The following ERBB4 variants were observed in gnomAD, a reference collection of about 807,000 sequenced individuals.
ERBB4 encodes the protein receptor tyrosine-protein kinase erbB-4.
ERBB4 carries 42 observed loss-of-function variants against 158.0 expected under a neutral mutation model. That is an observed-to-expected ratio of 0.27 (90% CI 0.21 to 0.34). The LOEUF (loss-of-function observed/expected upper bound fraction) is 0.34, where lower values mean the gene tolerates loss of function less well. Ranked by LOEUF, ERBB4 falls within the 10% of genes least tolerant of loss-of-function variation. ERBB4 has a pLI of 1.00. For synonymous variants in ERBB4, 583 were observed against 558.7 expected, an observed-to-expected ratio of 1.04 and a Z score of -0.61; for missense variants, 1,333 against 1,624.1, an observed-to-expected ratio of 0.82 and a Z score of 3.08.
intron 1 of ERBB4, among the ~76,000 whole-genome samples, chr2:212,299,741 C>T (rs10170838): frequency 0.96 from 145,254 of 151,702 alleles, 69,617 homozygotes; most frequent in African/African-American, 0.99. Flanking sequence ...TAATGAGCAG[C>T]GATAGCCAAC....
intron 1 of ERBB4, among the ~76,000 whole-genome samples, chr2:212,531,837 C>T (rs1692772976): frequency 6.6e-6 from 1 of 152,146 alleles, no homozygotes; most frequent in South Asian, 2.1e-4. Flanking sequence ...CTCCATAGGC[C>T]TAACCAGGTA....
At chr2:211,385,263 C>G (rs894846133) in intron 27 of ERBB4, among the ~76,000 whole-genome samples, 1 of 152,106 alleles carries the variant, frequency 6.6e-6, no homozygotes, top group Middle Eastern at 3.4e-3. Flanking sequence ...ATATATAGGC[C>G]TTTACAAGAC....
chr2:212,063,638 A>G (rs1326734454), intron 2 of ERBB4, among the ~76,000 whole-genome samples: 2 of 152,194 alleles, frequency 1.3e-5, no homozygotes, highest in Admixed American at 1.3e-4. Flanking sequence ...AGAATTGAGA[A>G]CATAATAATT....
At chr2:212,356,188 C>T (rs188908201) in intron 1 of ERBB4, among the ~76,000 whole-genome samples, 2 of 152,122 alleles carry the variant, frequency 1.3e-5, no homozygotes, top group Non-Finnish European at 2.9e-5. Flanking sequence ...TTCCAAACTG[C>T]TTTTTGTAGA....
chr2:212,283,908 A>C (rs1368116367), intron 1 of ERBB4, among the ~76,000 whole-genome samples: 1 of 152,054 alleles, frequency 6.6e-6, no homozygotes, highest in Admixed American at 6.6e-5. Flanking sequence ...GTTATTGTTT[A>C]TTGACACTTT....
chr2:211,799,417 C>G (rs901165758), intron 3 of ERBB4, among the ~76,000 whole-genome samples: 1 of 152,082 alleles, frequency 6.6e-6, no homozygotes, highest in Non-Finnish European at 1.5e-5. Context: ...CTTTGCGGAT[C>G]TTTGTCTGCT....
chr2:211,723,122 C>A (rs770782630), intron 6 of ERBB4, among the ~76,000 whole-genome samples: 27 of 152,104 alleles, frequency 1.8e-4, no homozygotes, highest in Non-Finnish European at 3.7e-4. Flanking sequence ...AATATGATGT[C>A]ATTTCTAGTA....
intron 3 of ERBB4, among the ~76,000 whole-genome samples, chr2:211,823,247 A>G (rs2077032342): frequency 6.6e-6 from 1 of 151,978 alleles, no homozygotes; most frequent in South Asian, 2.1e-4. Context: ...TAAGTGAAAC[A>G]ATAGCTATGT....
chr2:211,739,192 T>C (rs543614704), intron 5 of ERBB4, among the ~76,000 whole-genome samples: 21 of 152,268 alleles, frequency 1.4e-4, no homozygotes, highest in Non-Finnish European at 2.5e-4. Context: ...ATTGTAGGGA[T>C]CTAACATTAT....
At chr2:211,485,912 G>A (rs1167460485) in intron 20 of ERBB4, among the ~76,000 whole-genome samples, 2 of 151,914 alleles carry the variant, frequency 1.3e-5, no homozygotes, top group African/African-American at 2.4e-5. Flanking sequence ...AGGGGCTTGT[G>A]GATTGATTTA....
At chr2:212,376,085 A>T (rs1301178051) in intron 1 of ERBB4, among the ~76,000 whole-genome samples, 3 of 152,102 alleles carry the variant, frequency 2.0e-5, no homozygotes, top group Non-Finnish European at 2.9e-5. Context: ...CCAACATCAC[A>T]GTCATCTCAA....
chr2:211,947,760 T>C (rs1216821628), intron 2 of ERBB4, 144 bp from the exon 3 acceptor site: 2 of 696,216 alleles, frequency 2.9e-6, no homozygotes, highest in East Asian at 5.4e-5. Context: ...TTCTAAAGAA[T>C]TGGCTTCATA....
chr2:212,148,257 A>G (rs1216753940), intron 1 of ERBB4, among the ~76,000 whole-genome samples: 2 of 152,104 alleles, frequency 1.3e-5, no homozygotes, highest in Non-Finnish European at 2.9e-5. Context: ...ATGAATATAG[A>G]CTAAAAACTA....
At chr2:211,496,776 G>A (rs918707349) in intron 20 of ERBB4, among the ~76,000 whole-genome samples, 1 of 151,924 alleles carries the variant, frequency 6.6e-6, no homozygotes, top group Non-Finnish European at 1.5e-5. Context: ...TCTGCCTCAG[G>A]GCCTTGGTTT....
In ERBB4 at chr2:212,187,421, T is replaced by TAATAAATAAATAAATAAATA. The variant is rs71054181; in HGVS notation, c.83-62538_83-62519dup. Among the ~76,000 whole-genome samples the TAATAAATAAATAAATAAATA allele has an allele frequency of 4.1e-4, 60 of 146,698 alleles. 1 individual carries two copies. Among genetic ancestry groups the TAATAAATAAATAAATAAATA allele is most frequent in the Non-Finnish European group, 7.0e-4 (47 of 66,854 alleles). ...ATGTACCCTAAAACTTAAAGTATAA[T>TAATAAATAAATAAATAAATA]AATAAATAAATAAATAAATAAATAA... is the stretch of plus-strand genomic sequence containing the variant. On this transcript the variant is annotated intron_variant, in intron 1 of 27. Transcript: ENST00000342788.
chr2:212,054,930 C>T (rs553858557), intron 2 of ERBB4, among the ~76,000 whole-genome samples: 1 of 152,282 alleles, frequency 6.6e-6, no homozygotes, highest in Admixed American at 6.5e-5. Flanking sequence ...GTTCATCTCA[C>T]TGGGGCTTGT....
chr2:212,145,159 T>G (rs1008272877), intron 1 of ERBB4, among the ~76,000 whole-genome samples: 4 of 152,104 alleles, frequency 2.6e-5, no homozygotes, highest in African/African-American at 4.8e-5. Flanking sequence ...AGTTTAAAAA[T>G]TGTAGTTAAA....
At chr2:212,106,394 T>C (rs913280207) in intron 2 of ERBB4, among the ~76,000 whole-genome samples, 1 of 152,180 alleles carries the variant, frequency 6.6e-6, no homozygotes, top group Non-Finnish European at 1.5e-5. Context: ...TCGTGGAACT[T>C]TGAACTTGAG....
chr2:212,073,913 T>C (rs889055812), intron 2 of ERBB4, among the ~76,000 whole-genome samples: 9 of 151,954 alleles, frequency 5.9e-5, no homozygotes, highest in African/African-American at 1.4e-4. Flanking sequence ...TAAGTTATAG[T>C]CTAGGGCAGC....
Sources: gnomAD v4.1 joint callset for allele counts (sites outside exome capture counted in the v4.1 genomes callset) on GRCh38, gnomAD v4.1.1 for gene constraint, MANE v1.5 for transcripts, NCBI Gene and HGNC (gene_info 2026-07-23, HGNC 2026-07-21) for gene names.